GPHN: variants seen among roughly 807,000 people sequenced by gnomAD.
GPHN encodes gephyrin.
A neutral mutation model predicts 95.5 loss-of-function variants in GPHN; 17 were observed. That is an observed-to-expected ratio of 0.18 (90% CI 0.12 to 0.27). The LOEUF is 0.27. Among genes scored for constraint, GPHN ranks in the 10% least tolerant of loss-of-function variants. The probability of loss-of-function intolerance (pLI) is 1.00; values close to 1 mark genes in which losing one functional copy is unlikely to be tolerated. For missense variants in GPHN, 660 were observed against 978.1 expected (o/e 0.67, Z 4.34); for synonymous variants, 320 against 322.5 (o/e 0.99, Z 0.08).
At chr14:67,018,440 G>T (rs2073427652) in intron 9 of GPHN, among the ~76,000 whole-genome samples, 1 of 152,094 alleles carries the variant, frequency 6.6e-6, no homozygotes, top group African/African-American at 2.4e-5. Flanking sequence ...ATAAGCAACA[G>T]TGTATTCCAG....
At chr14:66,994,136 C>T (rs1405025780) in intron 9 of GPHN, among the ~76,000 whole-genome samples, 3 of 152,106 alleles carry the variant, frequency 2.0e-5, no homozygotes, top group South Asian at 2.1e-4. Flanking sequence ...GAGGCCGAGG[C>T]GAGTGGGTCA....
chr14:67,627,967 A>G, the GPHN span, among the ~76,000 whole-genome samples: 11 of 152,206 alleles, frequency 7.2e-5, no homozygotes, highest in African/African-American at 2.7e-4. Context: ...TATTTGGAAG[A>G]GTAAATGTCT....
At chr14:66,628,493 A>G (rs2063604675) in intron 1 of GPHN, among the ~76,000 whole-genome samples, 1 of 152,132 alleles carries the variant, frequency 6.6e-6, no homozygotes, top group African/African-American at 2.4e-5. Context: ...TAAAAGATAA[A>G]AAGTGATATA....
the GPHN span, among the ~76,000 whole-genome samples, chr14:67,501,044 TTAATAATAATAATAATAA>T: frequency 5.1e-5 from 7 of 137,384 alleles, no homozygotes; most frequent in South Asian, 2.5e-4. Context: ...TACTTGGGGG[TTAATAATAATAATAATAA>T]TAATAATAAT....
the GPHN span, among the ~76,000 whole-genome samples, chr14:67,698,116 T>C: frequency 6.6e-6 from 1 of 152,320 alleles, no homozygotes; most frequent in East Asian, 1.9e-4. Flanking sequence ...GTCACTTTTG[T>C]CCACCAAGTT....
At chr14:67,627,548 G>A in the GPHN span, among the ~76,000 whole-genome samples, 1 of 151,866 alleles carries the variant, frequency 6.6e-6, no homozygotes, top group African/African-American at 2.4e-5. Context: ...TGGTTGCTAG[G>A]TTGACTCAAC....
At chr14:67,313,636 T>C in the GPHN span, among the ~76,000 whole-genome samples, 2 of 152,092 alleles carry the variant, frequency 1.3e-5, no homozygotes, top group African/African-American at 4.8e-5. Flanking sequence ...AATAGGGATA[T>C]AGAGTAAAGG....
At chr14:67,316,581 T>C in the GPHN span, among the ~76,000 whole-genome samples, 1 of 152,192 alleles carries the variant, frequency 6.6e-6, no homozygotes. Context: ...AGTTGAACTA[T>C]TAAATTTTTA....
chr14:66,993,756 C>T (rs1026409039), intron 9 of GPHN, among the ~76,000 whole-genome samples: 3 of 152,162 alleles, frequency 2.0e-5, no homozygotes, highest in Admixed American at 2.0e-4. Flanking sequence ...ACTCTACTTA[C>T]TTTAAGCAAA....
chr14:66,801,833 C>T (rs930619982), intron 3 of GPHN, among the ~76,000 whole-genome samples: 12 of 151,070 alleles, frequency 7.9e-5, no homozygotes, highest in African/African-American at 2.9e-4. Flanking sequence ...CCTCTCCCTC[C>T]TTGAGCTACC....
At chr14:67,153,835 C>T (rs2081426114) in intron 18 of GPHN, among the ~76,000 whole-genome samples, 1 of 152,144 alleles carries the variant, frequency 6.6e-6, no homozygotes, top group South Asian at 2.1e-4. Flanking sequence ...TTCAGAATAT[C>T]AGACAAAGAT....
chr14:66,555,456 A>C (rs1045971440), intron 1 of GPHN, among the ~76,000 whole-genome samples: 3 of 152,114 alleles, frequency 2.0e-5, no homozygotes, highest in Non-Finnish European at 2.9e-5. Context: ...CTTAATAAAT[A>C]TTTGTTGAAT....
intron 2 of GPHN, among the ~76,000 whole-genome samples, chr14:66,773,454 A>C (rs1394373291): frequency 1.3e-5 from 2 of 150,862 alleles, no homozygotes; most frequent in Admixed American, 6.6e-5. Context: ...CCCGGGTTCA[A>C]GCTATTCTTC....
chr14:67,074,230 A>G (rs1247268603), intron 11 of GPHN, among the ~76,000 whole-genome samples: 1 of 149,578 alleles, frequency 6.7e-6, no homozygotes, highest in African/African-American at 2.5e-5. Flanking sequence ...GCAGTCCTAC[A>G]TTGAGCAAGT....
chr14:66,726,915 G>A (rs920139416), intron 2 of GPHN, among the ~76,000 whole-genome samples: 2 of 152,108 alleles, frequency 1.3e-5, no homozygotes, highest in African/African-American at 4.8e-5. Context: ...CGAATATAAG[G>A]TATATATGAA....
At chr14:67,133,231 T>A (rs909087277) in intron 17 of GPHN, among the ~76,000 whole-genome samples, 8 of 152,184 alleles carry the variant, frequency 5.3e-5, no homozygotes, top group South Asian at 2.1e-4. Flanking sequence ...TATGATTAAC[T>A]GCCAACATTC....
the GPHN span, among the ~76,000 whole-genome samples, chr14:67,723,723 A>T: frequency 6.6e-6 from 1 of 152,352 alleles, no homozygotes; most frequent in South Asian, 2.1e-4. Context: ...ATTAAAATAA[A>T]TTACATATGG....
At chr14:67,029,384 C>G (rs1372437178) in intron 10 of GPHN, among the ~76,000 whole-genome samples, 1 of 150,322 alleles carries the variant, frequency 6.7e-6, no homozygotes, top group Non-Finnish European at 1.5e-5. Context: ...GTTGCCCAGG[C>G]TGGTGTGCAA....
chr14:67,191,511 C>G, the GPHN span, among the ~76,000 whole-genome samples: 1 of 152,188 alleles, frequency 6.6e-6, no homozygotes, highest in South Asian at 2.1e-4. Flanking sequence ...CACTCTCTCC[C>G]CTTCCCAATG....
Sources: gnomAD v4.1 joint callset for allele counts (sites outside exome capture counted in the v4.1 genomes callset) on GRCh38, gnomAD v4.1.1 for gene constraint, MANE v1.5 for transcripts, NCBI Gene and HGNC (gene_info 2026-07-23, HGNC 2026-07-21) for gene names.